Variants in DNAH6 observed in about 807,000 individuals in gnomAD.
DNAH6 encodes the protein dynein axonemal heavy chain 6.
Under a neutral mutation model 491.4 loss-of-function variants are expected in DNAH6, and 340 were observed. The ratio of observed to expected loss-of-function variants is 0.69; its 90% confidence interval spans 0.63 to 0.76. The LOEUF (loss-of-function observed/expected upper bound fraction) is 0.76. DNAH6 is among the 30% of genes least tolerant of loss of function. DNAH6 has a pLI of 0.00. For synonymous variants in DNAH6, 1,603 were observed against 1,686.1 expected, an observed-to-expected ratio of 0.95 and a Z score of 1.21; for missense variants, 4,443 against 4,972.2, an observed-to-expected ratio of 0.89 and a Z score of 3.20.
At chr2:84,506,064 G>T in the DNAH6 span, among the ~76,000 whole-genome samples, 4 of 152,160 alleles carry the variant, frequency 2.6e-5, no homozygotes, top group African/African-American at 7.2e-5. Context: ...AATCCTTTGG[G>T]TATATACCCA....
intron 21 of DNAH6, among the ~76,000 whole-genome samples, chr2:84,611,316 T>A (rs778379882): frequency 1.6e-4 from 25 of 151,972 alleles, no homozygotes; most frequent in Non-Finnish European, 3.4e-4. Flanking sequence ...TTCGTGGAAA[T>A]CTTGTGTATG....
chr2:84,630,239 G>A (rs1456531846), intron 29 of DNAH6, among the ~76,000 whole-genome samples: 4 of 152,082 alleles, frequency 2.6e-5, no homozygotes, highest in Non-Finnish European at 5.9e-5. Flanking sequence ...AATATATCTA[G>A]CAATGGCCAT....
chr2:84,507,995 C>T, the DNAH6 span, among the ~76,000 whole-genome samples: 7 of 152,238 alleles, frequency 4.6e-5, no homozygotes, highest in South Asian at 2.1e-4. Flanking sequence ...ATTTTTGCAT[C>T]GATGTTCATC....
intron 35 of DNAH6, among the ~76,000 whole-genome samples, chr2:84,657,817 T>G (rs1433522180): frequency 6.6e-6 from 1 of 152,030 alleles, no homozygotes; most frequent in Non-Finnish European, 1.5e-5. Flanking sequence ...TTTCCTTTTA[T>G]TGTCCTATTG....
chr2:84,713,977 A>G (rs1573575548), intron 57 of DNAH6, among the ~76,000 whole-genome samples: 1 of 152,120 alleles, frequency 6.6e-6, no homozygotes, highest in African/African-American at 2.4e-5. Flanking sequence ...CTCTAGTACT[A>G]CAGTGTCCAA....
intron 37 of DNAH6, among the ~76,000 whole-genome samples, chr2:84,659,998 T>C (rs1443258699): frequency 6.6e-6 from 1 of 152,062 alleles, no homozygotes; most frequent in Non-Finnish European, 1.5e-5. Context: ...AATAAGTAAA[T>C]GTATGAAAAT....
At chr2:84,740,404 C>T (rs1672410033) in intron 62 of DNAH6, among the ~76,000 whole-genome samples, 1 of 152,222 alleles carries the variant, frequency 6.6e-6, no homozygotes, top group Non-Finnish European at 1.5e-5. Context: ...TTTCAACCCG[C>T]ATTCCCCAGA....
Position 84,619,897 on chromosome 2 carries a change from G to A in DNAH6, c.3785G>A (p.Gly1262Glu), listed in dbSNP as rs901098985. ...ATTTTAGCAATGCTGTCACCAGAGGGAGAAAGGGTGAGGTGCTTTTATTTA... is the reference window on the plus strand; with the variant it reads ...ATTTTAGCAATGCTGTCACCAGAGGAAGAAAGGGTGAGGTGCTTTTATTTA... ...NDILAMLSPE[G>E]ERVSLGKGLK... Residue 1262 changes from glycine (G) to glutamate (E), a missense_variant, in exon 24 of 77, where the codon GGA becomes GAA. By Grantham distance (98) the Gly-to-Glu change is moderately conservative. Around this residue, in one of 3 missense-constraint regions of DNAH6, gnomAD observed 2,977 missense variants for 3,296.6 expected, o/e 0.90. Coordinates refer to ENST00000389394, the MANE Select transcript of DNAH6 (RefSeq NM_001370.2). 5.2e-6 allele frequency: 8 copies of A among 1,549,560 alleles called. No homozygotes were observed. The highest frequency in any genetic ancestry group is 1.7e-4 in the Middle Eastern group (1 of 6,002).
intron 64 of DNAH6, among the ~76,000 whole-genome samples, chr2:84,763,243 A>G (rs1674757611): frequency 6.6e-6 from 1 of 152,180 alleles, no homozygotes; most frequent in Admixed American, 6.5e-5. Flanking sequence ...AACATAACCA[A>G]AAAGGTACTG....
Position 84,709,382 on chromosome 2 carries a change from A to G in DNAH6, c.9088A>G (p.Ile3030Val), listed in dbSNP as rs530967866. 2 of 1,551,650 alleles carry G rather than the reference A, an allele frequency of 1.3e-6. No individual in the cohort carries two copies. Reference protein sequence around the residue: ...CWIQDCQSLEIPIDPSFSLIN... With the variant: ...CWIQDCQSLEVPIDPSFSLIN... ...GATCCAGGACTGTCAGTCTCTGGAG[A>G]TCCCAATCGATCCTTCCTTCAGTCT... Residue 3030 changes from isoleucine to valine, a missense_variant, in exon 55 of 77, where the codon ATC (isoleucine) becomes GTC (valine). By Grantham distance (29) the Ile-to-Val change is conservative (BLOSUM62 3). This residue lies in a region of DNAH6 where 1,463 missense variants were observed against 1,656.6 expected (regional missense o/e 0.88). Coordinates refer to ENST00000389394, the MANE Select transcript of DNAH6 (RefSeq NM_001370.2).
chr2:84,748,116 C>A (rs1252143357), intron 63 of DNAH6, among the ~76,000 whole-genome samples: 1 of 152,100 alleles, frequency 6.6e-6, no homozygotes, highest in Non-Finnish European at 1.5e-5. Flanking sequence ...GTCTTTTTTC[C>A]CCCTGCCTTG....
chr2:84,542,913 C>T (rs778363931), intron 4 of DNAH6, among the ~76,000 whole-genome samples: 1 of 152,160 alleles, frequency 6.6e-6, no homozygotes, highest in Non-Finnish European at 1.5e-5. Flanking sequence ...AATCCCAACA[C>T]TTTGGGAGTC....
chr2:84,765,533 T>C (rs971312984), intron 64 of DNAH6, among the ~76,000 whole-genome samples: 2 of 152,026 alleles, frequency 1.3e-5, no homozygotes, highest in Non-Finnish European at 2.9e-5. Context: ...TTAGGAAAAT[T>C]CGTGGTTTCA....
At chr2:84,612,091 G>A (rs915251580) in intron 22 of DNAH6, among the ~76,000 whole-genome samples, 3 of 151,792 alleles carry the variant, frequency 2.0e-5, no homozygotes, top group South Asian at 4.2e-4. Flanking sequence ...TTGTAGTTTC[G>A]GAAAAGGAGA....
At chr2:84,514,381 G>A (rs143222345), upstream of DNAH6, among the ~76,000 whole-genome samples, 276 of 152,164 alleles carry the variant, frequency 1.8e-3, no homozygotes, top group African/African-American at 6.5e-3. Context: ...TCCTATCTGT[G>A]GAATAGGTAT....
chr2:84,580,468 A>T (rs1186637015), intron 14 of DNAH6, among the ~76,000 whole-genome samples: 1 of 152,182 alleles, frequency 6.6e-6, no homozygotes, highest in African/African-American at 2.4e-5. Flanking sequence ...ACTTCCATTC[A>T]TATTATGTTG....
chr2:84,708,892 C>T (rs1192267), intron 54 of DNAH6, among the ~76,000 whole-genome samples: 5,433 of 152,238 alleles, frequency 0.036, 147 homozygotes, highest in South Asian at 0.06. Flanking sequence ...TGGGGACAGA[C>T]AGCTCTCTCT....
chr2:84,486,470 T>C, the DNAH6 span, among the ~76,000 whole-genome samples: 11 of 152,290 alleles, frequency 7.2e-5, no homozygotes, highest in African/African-American at 2.6e-4. Context: ...CTGGTGTTTA[T>C]TATAACCTGG....
intron 70 of DNAH6, among the ~76,000 whole-genome samples, chr2:84,804,009 C>A (rs1249520409): frequency 1.3e-5 from 2 of 152,052 alleles, no homozygotes; most frequent in Non-Finnish European, 1.5e-5. Flanking sequence ...GAGTTCGGGA[C>A]CAGCCTGGCC....
Sources: gnomAD v4.1 joint callset for allele counts (sites outside exome capture counted in the v4.1 genomes callset) on GRCh38, gnomAD v4.1.1 for gene constraint, gnomAD v4.1.1 regional missense constraint, MANE v1.5 for transcripts, NCBI Gene and HGNC (gene_info 2026-07-23, HGNC 2026-07-21) for gene names.